SH3GL3: variants seen among roughly 807,000 people sequenced by gnomAD.
The protein encoded by SH3GL3 is SH3 domain containing GRB2 like 3, endophilin A3.
A neutral mutation model predicts 47.7 loss-of-function variants in SH3GL3; 33 were observed. The observed-to-expected ratio is 0.69, with a 90% CI of 0.52 to 0.92. The LOEUF (loss-of-function observed/expected upper bound fraction) is 0.92, where lower values mean the gene tolerates loss of function less well. Ranked by LOEUF, SH3GL3 falls within the 40% of genes least tolerant of loss-of-function variation. The pLI is 0.00. For missense variants in SH3GL3, 363 were observed against 417.8 expected, an observed-to-expected ratio of 0.87 and a Z score of 1.14; for synonymous variants, 155 against 148.8, an observed-to-expected ratio of 1.04 and a Z score of -0.30.
chr15:83,585,118 A>G (rs1193430720), intron 6 of SH3GL3, among the ~76,000 whole-genome samples: 1 of 152,224 alleles, frequency 6.6e-6, no homozygotes, highest in Non-Finnish European at 1.5e-5. Context: ...CCTGGTCTTT[A>G]CTGTCAACAA....
intron 1 of SH3GL3, among the ~76,000 whole-genome samples, chr15:83,523,099 C>CACA (rs1395303674): frequency 1.3e-5 from 2 of 152,098 alleles, no homozygotes; most frequent in African/African-American, 4.8e-5. Context: ...GAAGGAAGTA[C>CACA]AGTTGTAAAG....
chr15:83,554,019 CTT>C (rs373240676), intron 1 of SH3GL3, among the ~76,000 whole-genome samples: 16 of 129,428 alleles, frequency 1.2e-4, no homozygotes, highest in African/African-American at 2.6e-4. Context: ...TTCTCTCGCT[CTT>C]TTTTTTTTTT....
At chr15:83,476,182 A>G (rs1486364470) in intron 1 of SH3GL3, among the ~76,000 whole-genome samples, 1 of 152,166 alleles carries the variant, frequency 6.6e-6, no homozygotes, top group East Asian at 1.9e-4. Flanking sequence ...GAAGGAGGGA[A>G]TTGAGGCTTG....
intron 1 of SH3GL3, among the ~76,000 whole-genome samples, chr15:83,498,563 GA>G (rs1272283174): frequency 6.6e-6 from 1 of 152,110 alleles, no homozygotes; most frequent in Non-Finnish European, 1.5e-5. Flanking sequence ...TTGTGCTAGG[GA>G]CTCACTCCAC....
chr15:83,463,682 C>G (rs898569730), intron 1 of SH3GL3, among the ~76,000 whole-genome samples: 1 of 151,696 alleles, frequency 6.6e-6, no homozygotes, highest in Admixed American at 6.6e-5. Context: ...GGAAAACCTC[C>G]TTTGATCTTA....
intron 1 of SH3GL3, among the ~76,000 whole-genome samples, chr15:83,486,601 T>C (rs2041608232): frequency 6.6e-6 from 1 of 152,244 alleles, no homozygotes; most frequent in East Asian, 1.9e-4. Flanking sequence ...CTGTATAATA[T>C]TCCATTGTAT....
chr15:83,516,178 G>C (rs746066362), intron 1 of SH3GL3, among the ~76,000 whole-genome samples: 2 of 152,084 alleles, frequency 1.3e-5, no homozygotes, highest in African/African-American at 4.8e-5. Flanking sequence ...CCTTTCTTGA[G>C]TCTCTCTTTT....
rs747469877 is a variant in SH3GL3 at position 83,572,681 on chromosome 15, G to C, written c.448G>C (p.Asp150His). 7 of 1,609,688 alleles carry C rather than the reference G, an allele frequency of 4.3e-6. No individual in the cohort carries two copies. In the South Asian group the frequency reaches 7.7e-5, roughly 18 times the overall value. ...IDPLQLLQDK[D>H]LKEIGHHLKK... ...TCCACTTCAGTTACTACAAGATAAAGATTTAAAAGAGATCGGGGTAAGTCT... is the reference window on the plus strand; with the variant it reads ...TCCACTTCAGTTACTACAAGATAAACATTTAAAAGAGATCGGGGTAAGTCT... Residue 150 changes from aspartate (D) to histidine (H), a missense_variant, in exon 5 of 9, where the codon GAT becomes CAT. By Grantham distance (81) the Asp-to-His change is moderately conservative. Coordinates refer to ENST00000427482, the MANE Select transcript of SH3GL3 (RefSeq NM_003027.5).
intron 1 of SH3GL3, among the ~76,000 whole-genome samples, chr15:83,550,949 G>C (rs2044635458): frequency 6.6e-6 from 1 of 152,080 alleles, no homozygotes; most frequent in Non-Finnish European, 1.5e-5. Context: ...TTAGGTTCCG[G>C]CTTTCTTGCT....
chr15:83,553,581 A>C (rs2044776921), intron 1 of SH3GL3, among the ~76,000 whole-genome samples: 1 of 152,196 alleles, frequency 6.6e-6, no homozygotes, highest in Non-Finnish European at 1.5e-5. Flanking sequence ...CTATGTTATA[A>C]CATGCATAGT....
rs746870911 is a variant in SH3GL3, at chr15:83,479,847, A to G, written c.45+32269A>G. ...TGTGATCTTGGCCACACTACTTATT[A>G]TGCCTGAGTTTCCTCATCTGTAAAA... On this transcript the variant is annotated intron_variant, in intron 1 of 8. Transcript: ENST00000427482. Among the ~76,000 whole-genome samples the G allele has an allele frequency of 2.0e-5, 3 of 152,170 alleles. No homozygotes were observed. The East Asian group carries it at 5.8e-4, about 29-fold the overall frequency.
At chr15:83,584,828 A>G (rs925755258) in intron 6 of SH3GL3, among the ~76,000 whole-genome samples, 6 of 152,224 alleles carry the variant, frequency 3.9e-5, no homozygotes, top group Non-Finnish European at 7.3e-5. Flanking sequence ...TTCCCACCCC[A>G]GGTGACTTTC....
intron 8 of SH3GL3, among the ~76,000 whole-genome samples, chr15:83,603,068 C>T (rs756835281): frequency 2.6e-5 from 4 of 151,274 alleles, no homozygotes; most frequent in Non-Finnish European, 4.4e-5. Context: ...GGTGGGATCT[C>T]GGCCCACTGC....
intron 1 of SH3GL3, among the ~76,000 whole-genome samples, chr15:83,504,957 A>G (rs1373667483): frequency 6.6e-6 from 1 of 152,136 alleles, no homozygotes; most frequent in East Asian, 1.9e-4. Context: ...TCTAAACAAG[A>G]TAGTTTAGGT....
chr15:83,533,233 A>T (rs1232047632), intron 1 of SH3GL3, among the ~76,000 whole-genome samples: 2 of 152,202 alleles, frequency 1.3e-5, no homozygotes, highest in African/African-American at 2.4e-5. Context: ...TGGGGAAATA[A>T]TGGAAGGTTA....
chr15:83,491,050 T>C lies in SH3GL3; in HGVS notation c.45+43472T>C, dbSNP rs150491933. ...GCCTTGTATTAGCAAGGAGTGATGA[T>C]TGACAAAGACCTAAGGTCTAATGTC... On this transcript the variant is annotated intron_variant, in intron 1 of 8. Transcript: ENST00000427482. 2.0e-4 allele frequency: 284 copies of C among 1,390,748 alleles called. No individual in the cohort carries two copies. The African/African-American group carries it at 3.4e-3, about 17-fold the overall frequency. 86.2% of individuals were successfully genotyped at this position (1,390,748 alleles called of 1,614,324 possible).
chr15:83,458,617 C>T (rs906560786), intron 1 of SH3GL3, among the ~76,000 whole-genome samples: 11 of 152,254 alleles, frequency 7.2e-5, no homozygotes, highest in African/African-American at 2.4e-4. Flanking sequence ...TCTTCTGGGC[C>T]ACAAATCAAA....
chr15:83,498,465 C>T (rs143758780), intron 1 of SH3GL3, among the ~76,000 whole-genome samples: 16 of 152,282 alleles, frequency 1.1e-4, no homozygotes, highest in Middle Eastern at 6.8e-3. Flanking sequence ...TAGTAACTTC[C>T]ACCAAATGCT....
chr15:83,624,320 C>T, the SH3GL3 span, among the ~76,000 whole-genome samples: 95 of 152,262 alleles, frequency 6.2e-4, no homozygotes, highest in Middle Eastern at 3.4e-3. Flanking sequence ...TCTCCCCCTA[C>T]GGCACCGAGC....
Sources: allele counts gnomAD v4.1 joint callset (sites outside exome capture counted in the v4.1 genomes callset), GRCh38; gene constraint gnomAD v4.1.1; transcripts MANE v1.5; gene names NCBI Gene and HGNC (gene_info 2026-07-23, HGNC 2026-07-21).